TENM1: variants seen among roughly 807,000 people sequenced by gnomAD.
TENM1 encodes teneurin transmembrane protein 1, also known as teneurin-1.
Under a neutral mutation model 174.8 loss-of-function variants are expected in TENM1, and 35 were observed. The ratio of observed to expected loss-of-function variants is 0.20; its 90% CI spans 0.15 to 0.27. TENM1 has a LOEUF of 0.27. Ranked by LOEUF, TENM1 falls within the 10% of genes least tolerant of loss-of-function variation. TENM1 has a pLI of 1.00. For missense variants in TENM1, 1,633 were observed against 2,130.1 expected, an observed-to-expected ratio of 0.77 and a Z score of 4.59; for synonymous variants, 781 against 798.7, an observed-to-expected ratio of 0.98 and a Z score of 0.37.
At chrX:125,159,563 T>C in the TENM1 span, among the ~76,000 whole-genome samples, 4 of 112,297 alleles carry the variant, frequency 3.6e-5, no homozygotes, top group Non-Finnish European at 7.5e-5. Flanking sequence ...TATTATTAGA[T>C]CCAAATATGC....
At chrX:124,936,592 G>C (rs1020703688) in intron 1 of TENM1, among the ~76,000 whole-genome samples, 1 of 111,959 alleles carries the variant, frequency 8.9e-6, no homozygotes, top group Non-Finnish European at 1.9e-5. Flanking sequence ...GCACACAATA[G>C]ATGTTCTCTA....
chrX:124,497,732 A>G, intron 19 of TENM1, among the ~76,000 whole-genome samples: 1 of 111,818 alleles, frequency 8.9e-6, no homozygotes, highest in East Asian at 2.8e-4. Context: ...AGCAAAACAC[A>G]ATCAGGAAGG....
At chrX:124,492,901 G>A (rs1252170205) in intron 20 of TENM1, among the ~76,000 whole-genome samples, 2 of 109,946 alleles carry the variant, frequency 1.8e-5, no homozygotes, top group Non-Finnish European at 3.8e-5. Flanking sequence ...TTTTCTCTAG[G>A]GAGAGGGTCC....
At chrX:124,722,065 A>G (rs1230076487) in intron 4 of TENM1, among the ~76,000 whole-genome samples, 2 of 112,422 alleles carry the variant, frequency 1.8e-5, no homozygotes, top group Admixed American at 1.9e-4. Flanking sequence ...TAAGTTAATG[A>G]TACTATTCAC....
the TENM1 span, among the ~76,000 whole-genome samples, chrX:125,052,031 G>A: frequency 8.1e-5 from 9 of 111,214 alleles, no homozygotes; most frequent in Admixed American, 1.9e-4. Context: ...AAAAGTGGGC[G>A]AAGGATATGA....
the TENM1 span, among the ~76,000 whole-genome samples, chrX:125,180,560 T>A: frequency 9.1e-6 from 1 of 109,647 alleles, no homozygotes; most frequent in Non-Finnish European, 1.9e-5. Context: ...AATAAAATCA[T>A]CAGTGTTCCT....
intron 1 of TENM1, among the ~76,000 whole-genome samples, chrX:124,923,323 A>G (rs951113791): frequency 2.7e-5 from 3 of 111,640 alleles, no homozygotes; most frequent in African/African-American, 9.7e-5. Context: ...GCATATCTTC[A>G]TCTGTTCCTT....
intron 11 of TENM1, among the ~76,000 whole-genome samples, chrX:124,631,385 T>C (rs1264105323): frequency 3.6e-5 from 4 of 110,698 alleles, no homozygotes; most frequent in Non-Finnish European, 5.7e-5. Context: ...TACGGAGAAA[T>C]TGCTTATAAG....
chrX:124,840,140 T>C (rs916814837), intron 3 of TENM1, among the ~76,000 whole-genome samples: 11 of 111,810 alleles, frequency 9.8e-5, no homozygotes, highest in Non-Finnish European at 1.7e-4. Context: ...ACTTCTTTTC[T>C]TAGATGCCCA....
intron 4 of TENM1, among the ~76,000 whole-genome samples, chrX:124,735,620 A>G (rs183826795): frequency 1.8e-5 from 2 of 111,939 alleles, no homozygotes; most frequent in Non-Finnish European, 3.8e-5. Flanking sequence ...ATTATATCAA[A>G]AAGACACCTG....
chrX:125,139,428 C>T, the TENM1 span, among the ~76,000 whole-genome samples: 1 of 111,401 alleles, frequency 9.0e-6, no homozygotes, highest in Non-Finnish European at 1.9e-5. Flanking sequence ...ACCACCACAT[C>T]TGCTGATATT....
At chrX:124,965,710 A>T (rs2058718311), upstream of TENM1, among the ~76,000 whole-genome samples, 1 of 110,955 alleles carries the variant, frequency 9.0e-6, no homozygotes. Flanking sequence ...ATATATATAT[A>T]CACACACCAA....
At chrX:124,820,896 C>T (rs771888586) in intron 3 of TENM1, among the ~76,000 whole-genome samples, 2 of 112,283 alleles carry the variant, frequency 1.8e-5, no homozygotes, top group East Asian at 5.6e-4. Context: ...TATTGCTTCC[C>T]CTTTTGTTAA....
intron 23 of TENM1, 117 bp from the exon 27 acceptor site, chrX:124,422,755 C>T (rs188276590): frequency 5.4e-6 from 4 of 740,281 alleles, no homozygotes; most frequent in African/African-American, 4.3e-5. Context: ...TGAATTTTAG[C>T]AACATTGGTG....
At chrX:124,411,113 C>T (rs949415856) in intron 25 of TENM1, among the ~76,000 whole-genome samples, 3 of 111,977 alleles carry the variant, frequency 2.7e-5, no homozygotes, top group African/African-American at 9.7e-5. Flanking sequence ...CACCCAAACA[C>T]CTTTTCAGCT....
At chrX:125,027,611 C>CTT in the TENM1 span, among the ~76,000 whole-genome samples, 621 of 82,971 alleles carry the variant, frequency 7.5e-3, 13 homozygotes, top group African/African-American at 0.014. Flanking sequence ...TTTTCTTTTT[C>CTT]TTTTTTTTTT....
chrX:124,800,671 G>A (rs1279654577), intron 3 of TENM1, among the ~76,000 whole-genome samples: 3 of 111,045 alleles, frequency 2.7e-5, no homozygotes, highest in African/African-American at 6.5e-5. Context: ...TTGCTTCTGT[G>A]GCTCTTTTAA....
chrX:124,628,533 G>A (rs941707115), intron 11 of TENM1, among the ~76,000 whole-genome samples: 3 of 110,830 alleles, frequency 2.7e-5, no homozygotes, highest in Non-Finnish European at 5.7e-5. Flanking sequence ...AATTAATAAG[G>A]AGATATTTTA....
chrX:124,524,067 G>T (rs967039789), intron 16 of TENM1, among the ~76,000 whole-genome samples: 12 of 109,590 alleles, frequency 1.1e-4, no homozygotes, highest in African/African-American at 4.0e-4. Context: ...GTAGGCATGG[G>T]ATTTCACCAT....
Sources: gnomAD v4.1 joint callset for allele counts (sites outside exome capture counted in the v4.1 genomes callset) on GRCh38, gnomAD v4.1.1 for gene constraint, MANE v1.5 for transcripts, NCBI Gene and HGNC (gene_info 2026-07-23, HGNC 2026-07-21) for gene names.